EIF5: variants seen among roughly 807,000 people sequenced by gnomAD.
EIF5 encodes the protein eukaryotic translation initiation factor 5.
Under a neutral mutation model 48.3 loss-of-function variants are expected in EIF5, and 10 were observed. The ratio of observed to expected loss-of-function variants is 0.21; its 90% CI spans 0.13 to 0.35. The LOEUF is 0.35. Ranked by LOEUF, EIF5 falls within the 10% of genes least tolerant of loss-of-function variation. The pLI is 1.00. For missense variants in EIF5, 397 were observed against 533.2 expected (o/e 0.74, Z 2.51); for synonymous variants, 237 against 173.1 (o/e 1.37, Z -2.90).
chr14:103,335,239 T>C (rs1417668067), intron 2 of EIF5: 1 of 154,126 alleles, frequency 6.5e-6, no homozygotes, highest in Non-Finnish European at 1.4e-5. Flanking sequence ...TTCCCTAGGT[T>C]GCCCTTAAAA....
chr14:103,340,300 C>T lies in EIF5; in HGVS notation c.1072-127C>T, dbSNP rs562967287. 1.1e-5 allele frequency: 11 copies of T among 984,124 alleles called. No homozygotes were observed. The African/African-American group carries it at 1.5e-4, about 13-fold the overall frequency. The allele number at this position is 984,124 out of a possible 1,614,324, so 61.0% of individuals were successfully genotyped here. A position where few individuals can be genotyped will look rare whatever the true frequency, so the allele number is the denominator to read the frequency against. ...CTGAGACTAACGTGTTCACTGAGTA[C>T]ATTGATTCTGTTTGAGGATTCAGAC... On this transcript the variant is annotated intron_variant, in intron 10 of 11. Coordinates refer to ENST00000216554, the MANE Select transcript of EIF5 (RefSeq NM_001969.5).
At position 103,335,634 on chromosome 14, in the gene EIF5, C is replaced by CT. The variant is rs1566719969; in HGVS notation, c.-208-16dup. 1.8e-6 allele frequency: 1 copy of CT among 564,452 alleles called. No individual in the cohort carries two copies. Among genetic ancestry groups the CT allele is most frequent in the African/African-American group, 1.9e-5 (1 of 53,276 alleles). The allele number at this position is 564,452 out of a possible 1,614,324, so 35.0% of individuals were successfully genotyped here. On this transcript the variant is annotated intron_variant, in intron 2 of 11. Coordinates refer to ENST00000216554, the MANE Select transcript of EIF5 (RefSeq NM_001969.5). ...AAACCTGGGGGGATTTTTGTGTGTT[C>CT]TTTCCCTTTTTCTTTCAGAGCTGTT... is the stretch of plus-strand genomic sequence containing the variant.
At chr14:103,337,412 C>G (rs1405381796) in intron 6 of EIF5, 185 bp downstream of exon 6, 4 of 564,990 alleles carry the variant, frequency 7.1e-6, no homozygotes, top group South Asian at 2.4e-5. Context: ...CAAGACCAGC[C>G]TGGCCAACAT....
Position 103,341,768 on chromosome 14 carries a change from C to T in EIF5, c.*716C>T, listed in dbSNP as rs183282027. 2.8e-4 allele frequency: 42 copies of T among 152,626 alleles called. No homozygotes were observed. The highest frequency in any genetic ancestry group is 9.4e-4 in the African/African-American group (39 of 41,574). The allele number at this position is 152,626 out of a possible 1,614,324, so 9.5% of individuals were successfully genotyped here. On this transcript the variant is annotated 3_prime_UTR_variant, in exon 12 of 12. Transcript: ENST00000216554. ...TGTCTTTGAAGTCGTGTGCATTGCACGTTGGATGAGCCAGGGAAATTATTA... is the reference window on the plus strand; with the variant it reads ...TGTCTTTGAAGTCGTGTGCATTGCATGTTGGATGAGCCAGGGAAATTATTA...
chr14:103,339,270 T>G lies in EIF5; in HGVS notation c.843T>G (p.Thr281=). The G allele has an allele frequency of 6.2e-7, 1 of 1,610,958 alleles. No individual in the cohort carries two copies. The highest frequency in any genetic ancestry group is 1.3e-5 in the African/African-American group (1 of 74,740). ...DVKAMGPLVL[T]EVLFNEKIRE... Reference sequence around the variant, plus strand: ...AAGCCATGGGCCCTCTTGTTCTAACTGAAGTTCTTTTTAATGAGAAGATTA... The same window carrying G: ...AAGCCATGGGCCCTCTTGTTCTAACGGAAGTTCTTTTTAATGAGAAGATTA... Residue 281 remains threonine, a synonymous_variant, in exon 9 of 12, where the codon ACT becomes ACG. Transcript: ENST00000216554.
intron 4 of EIF5, chr14:103,336,407 C>T (rs534355533): frequency 9.0e-6 from 5 of 558,178 alleles, no homozygotes; most frequent in East Asian, 3.1e-5. Context: ...ATAGTGAAAT[C>T]CTGAGTCTAC....
Position 103,340,979 on chromosome 14 carries a change from C to T in EIF5, c.1223C>T (p.Ala408Val). The change falls in exon 12 of 12, where the codon GCT (alanine) becomes GTT (valine). Residue 408 changes from alanine (A) to valine (V), a missense_variant. Ala to Val is a moderately conservative substitution (Grantham distance 64, BLOSUM62 0). This residue lies in a region of EIF5 where 160 missense variants were observed against 184.8 expected (regional missense o/e 0.87). Transcript: ENST00000216554. ...TCTTAACAGGTGGTGTATTCGAAGG[C>T]TGCCAGTGTACCGAAAGTTGAGACT... is the stretch of plus-strand genomic sequence containing the variant. ...DENIEVVYSK[A>V]ASVPKVETVK... The T allele has an allele frequency of 6.2e-7, 1 of 1,614,078 alleles. No individual in the cohort carries two copies. Among genetic ancestry groups the T allele is most frequent in the South Asian group, 1.1e-5 (1 of 91,084 alleles).
rs536617571 is a variant in EIF5, at chr14:103,343,237, A to G, written c.*2185A>G. 6.6e-6 allele frequency: 1 copy of G among 152,504 alleles called. No homozygotes were observed. The highest frequency in any genetic ancestry group is 6.5e-5 in the Admixed American group (1 of 15,288). 9.4% of individuals were successfully genotyped at this position (152,504 alleles called of 1,614,324 possible). On this transcript the variant is annotated 3_prime_UTR_variant, in exon 12 of 12. Coordinates refer to ENST00000216554, the MANE Select transcript of EIF5 (RefSeq NM_001969.5). ...TTTATAATGAGATCAAAGCATTGGA[A>G]TCTGCCCTGTTTTGTAGCCGTTGCT...
In EIF5 at chr14:103,341,005, G is replaced by C; in HGVS notation, c.1249G>C (p.Val417Leu). 1.2e-6 allele frequency: 2 copies of C among 1,614,170 alleles called. No individual in the cohort carries two copies. The highest frequency in any genetic ancestry group is 1.7e-6 in the Non-Finnish European group (2 of 1,179,998). ...KAASVPKVET[V>L]KSDNKDDDID... is the part of the protein sequence containing the mutation. The stretch of plus-strand genomic sequence containing the variant: ...TGCCAGTGTACCGAAAGTTGAGACT[G>C]TAAAGTCAGACAACAAGGATGACGA... Residue 417 changes from valine to leucine, a missense_variant, in exon 12 of 12, where the codon GTA (valine) becomes CTA (leucine). By Grantham distance (32) the Val-to-Leu change is conservative (BLOSUM62 1). Around this residue, in one of 4 missense-constraint regions of EIF5, gnomAD observed 160 missense variants for 184.8 expected, o/e 0.87. Coordinates refer to ENST00000216554, the MANE Select transcript of EIF5 (RefSeq NM_001969.5).
intron 6 of EIF5, chr14:103,338,013 T>C: frequency 1.8e-6 from 1 of 566,606 alleles, no homozygotes; most frequent in South Asian, 1.4e-5. Flanking sequence ...AGTTAATGAC[T>C]TTGTTCATGA....
rs147647266 is a variant in EIF5, at chr14:103,342,172, AAAAG to A, written c.*1125_*1128del. The stretch of plus-strand genomic sequence containing the variant: ...TTTTTCTTCCAGAATGTCTTATTTA[AAAAG>A]AAAGCTAAAAGCATACTTCTAAGTC... On this transcript the variant is annotated 3_prime_UTR_variant, in exon 12 of 12. Transcript: ENST00000216554. The A allele has an allele frequency of 6.6e-6, 1 of 152,618 alleles. No individual in the cohort carries two copies. The highest frequency in any genetic ancestry group is 1.5e-5 in the Non-Finnish European group (1 of 68,010). 9.5% of individuals were successfully genotyped at this position (152,618 alleles called of 1,614,324 possible).
In EIF5 at chr14:103,337,038, GCTGT is replaced by G. The variant is rs1039121443; in HGVS notation, c.328-73_328-70del. The G allele has an allele frequency of 8.5e-5, 119 of 1,397,870 alleles. 1 individual carries two copies. The African/African-American group carries it at 1.4e-3, about 16-fold the overall frequency. 86.6% of individuals were successfully genotyped at this position (1,397,870 alleles called of 1,614,324 possible). A position where few individuals can be genotyped will look rare whatever the true frequency, so the allele number is the denominator to read the frequency against. Reference sequence around the variant, plus strand: ...GAAAAAAGTTTTCTTTGCATGTGAAGCTGTCTGTGGTTTAGATGTCCTCTGATTA... The same window carrying G: ...GAAAAAAGTTTTCTTTGCATGTGAAGCTGTGGTTTAGATGTCCTCTGATTA... On this transcript the variant is annotated intron_variant, in intron 5 of 11. Transcript: ENST00000216554.
rs1434896285 is a variant in EIF5 at position 103,341,806 on chromosome 14, T to C, written c.*754T>C. ...AGGGAAATTATTACATTAACAAGCA[T>C]TTTGTGTGTACGTAGTAGTTACTTT... On this transcript the variant is annotated 3_prime_UTR_variant, in exon 12 of 12. Transcript: ENST00000216554. 6.6e-6 allele frequency: 1 copy of C among 152,614 alleles called. No individual in the cohort carries two copies. Among genetic ancestry groups the C allele is most frequent in the Non-Finnish European group, 1.5e-5 (1 of 68,038 alleles). The allele number at this position is 152,614 out of a possible 1,614,324, so 9.5% of individuals were successfully genotyped here.
chr14:103,334,336 G>A (rs1300981099), intron 1 of EIF5, 53 bp from the exon 2 acceptor site: 2 of 152,412 alleles, frequency 1.3e-5, no homozygotes, highest in Non-Finnish European at 2.9e-5. Flanking sequence ...GGCTGGCGGG[G>A]AAGGTGCACT....
chr14:103,339,151 T>C, intron 8 of EIF5, 21 bp from the exon 9 acceptor site: 3 of 1,598,754 alleles, frequency 1.9e-6, no homozygotes, highest in Admixed American at 3.6e-5. Context: ...TTGCACTGAA[T>C]TGTTTTCCTT....
chr14:103,340,055 C>G (rs531631264), intron 10 of EIF5, among the ~76,000 whole-genome samples: 2 of 152,252 alleles, frequency 1.3e-5, no homozygotes, highest in Non-Finnish European at 2.9e-5. Context: ...TGGGGTTTTA[C>G]CATGTTGGCC....
intron 5 of EIF5, 124 bp from the exon 6 acceptor site, chr14:103,336,992 T>C: frequency 7.3e-7 from 1 of 1,369,616 alleles, no homozygotes. Flanking sequence ...CCATTCTTTT[T>C]TTTAAAGTAG....
intron 6 of EIF5, chr14:103,337,788 A>G (rs1041867324): frequency 2.6e-5 from 12 of 460,980 alleles, no homozygotes; most frequent in Admixed American, 7.4e-5. Flanking sequence ...AAACCCAGCA[A>G]AGTTTCTTTT....
At chr14:103,337,646 A>G (rs906191380) in intron 6 of EIF5, 2 of 330,244 alleles carry the variant, frequency 6.1e-6, no homozygotes, top group African/African-American at 4.4e-5. Flanking sequence ...TATTTTATCA[A>G]ATCTAAGACA....
Sources: allele counts gnomAD v4.1 joint callset (sites outside exome capture counted in the v4.1 genomes callset), GRCh38; gene constraint gnomAD v4.1.1; regional missense constraint gnomAD v4.1.1; transcripts MANE v1.5; gene names NCBI Gene and HGNC (gene_info 2026-07-23, HGNC 2026-07-21).